EFNA5: variants seen among roughly 807,000 people sequenced by gnomAD.
The protein encoded by EFNA5 is ephrin A5.
A neutral mutation model predicts 22.9 loss-of-function variants in EFNA5; 5 were observed. The observed-to-expected ratio is 0.22, with a 90% CI of 0.11 to 0.46. The LOEUF is 0.46. Among genes scored for constraint, EFNA5 ranks in the 20% least tolerant of loss-of-function variants. EFNA5 has a pLI of 0.99. For missense variants in EFNA5, 237 were observed against 293.3 expected (o/e 0.81, Z 1.40); for synonymous variants, 113 against 112.2 (o/e 1.01, Z -0.04).
At chr5:107,538,452 C>T (rs1383208473) in intron 1 of EFNA5, among the ~76,000 whole-genome samples, 1 of 152,088 alleles carries the variant, frequency 6.6e-6, no homozygotes, top group Admixed American at 6.5e-5. Flanking sequence ...TTTAGATGCC[C>T]AAATTGAATA....
At chr5:107,527,299 T>C (rs542558862) in intron 1 of EFNA5, among the ~76,000 whole-genome samples, 2 of 151,568 alleles carry the variant, frequency 1.3e-5, no homozygotes, top group Admixed American at 1.3e-4. Flanking sequence ...TCTTTTTTTT[T>C]TTTGAGATGG....
intron 1 of EFNA5, among the ~76,000 whole-genome samples, chr5:107,492,566 A>T (rs1370358164): frequency 6.6e-6 from 1 of 152,200 alleles, no homozygotes; most frequent in East Asian, 1.9e-4. Context: ...GTATGACTTA[A>T]GAAGCTTCAG....
chr5:107,541,658 A>G (rs937037554), intron 1 of EFNA5, among the ~76,000 whole-genome samples: 1 of 152,236 alleles, frequency 6.6e-6, no homozygotes, highest in African/African-American at 2.4e-5. Flanking sequence ...TGGGACAGAC[A>G]CACCTCAACT....
intron 1 of EFNA5, among the ~76,000 whole-genome samples, chr5:107,624,524 A>G (rs1750104828): frequency 6.6e-6 from 1 of 152,156 alleles, no homozygotes; most frequent in African/African-American, 2.4e-5. Context: ...CATGTGGTCC[A>G]GCACAGGTGT....
intron 1 of EFNA5, among the ~76,000 whole-genome samples, chr5:107,636,593 AAG>A (rs1231738417): frequency 7.9e-5 from 12 of 152,368 alleles, no homozygotes; most frequent in African/African-American, 2.9e-4. Flanking sequence ...GTATTTCCAG[AAG>A]AGTTACCATA....
At chr5:107,567,347 A>G (rs1748682920) in intron 1 of EFNA5, among the ~76,000 whole-genome samples, 1 of 152,252 alleles carries the variant, frequency 6.6e-6, no homozygotes, top group South Asian at 2.1e-4. Context: ...CTTGCAAGGA[A>G]TAAGGCACAG....
intron 2 of EFNA5, among the ~76,000 whole-genome samples, chr5:107,397,080 CTTTAA>C (rs1747946202): frequency 2.9e-5 from 4 of 140,264 alleles, no homozygotes; most frequent in African/African-American, 5.2e-5. Flanking sequence ...TCACTCCACT[CTTTAA>C]TTTTTTTTTT....
At chr5:107,598,606 C>G (rs1749523569) in intron 1 of EFNA5, among the ~76,000 whole-genome samples, 1 of 152,130 alleles carries the variant, frequency 6.6e-6, no homozygotes, top group African/African-American at 2.4e-5. Context: ...ACCCACAAAG[C>G]AACTTCTGAA....
At chr5:107,662,759 G>A (rs531286887) in intron 1 of EFNA5, among the ~76,000 whole-genome samples, 101 of 148,962 alleles carry the variant, frequency 6.8e-4, no homozygotes, top group African/African-American at 2.3e-3. Context: ...TACCTTTTGC[G>A]GGAGAAAGAT....
At chr5:107,525,374 TAATGTA>T (rs1747673880) in intron 1 of EFNA5, among the ~76,000 whole-genome samples, 1 of 152,170 alleles carries the variant, frequency 6.6e-6, no homozygotes, top group African/African-American at 2.4e-5. Context: ...ATTCATATGT[TAATGTA>T]AATGGTTCAA....
At chr5:107,547,027 A>G (rs1748174713) in intron 1 of EFNA5, among the ~76,000 whole-genome samples, 1 of 152,220 alleles carries the variant, frequency 6.6e-6, no homozygotes, top group African/African-American at 2.4e-5. Flanking sequence ...AGTAAGGAGC[A>G]GAAAAGAAGT....
intron 1 of EFNA5, among the ~76,000 whole-genome samples, chr5:107,496,007 C>G (rs967109087): frequency 3.3e-5 from 5 of 151,898 alleles, no homozygotes; most frequent in African/African-American, 1.2e-4. Flanking sequence ...TGTCCTTCCT[C>G]TAACGTCAAC....
intron 1 of EFNA5, among the ~76,000 whole-genome samples, chr5:107,640,977 T>C (rs34535078): frequency 0.32 from 30,548 of 95,544 alleles, 3,629 homozygotes; most frequent in Middle Eastern, 0.38. Flanking sequence ...GGTAGGCAGG[T>C]AGATAGATAG....
chr5:107,473,941 G>A (rs995858582), intron 1 of EFNA5, among the ~76,000 whole-genome samples: 3 of 152,166 alleles, frequency 2.0e-5, no homozygotes, highest in African/African-American at 7.2e-5. Context: ...TTACAGGCAT[G>A]AGCCACCATG....
intron 1 of EFNA5, among the ~76,000 whole-genome samples, chr5:107,463,948 T>C (rs1749904806): frequency 1.3e-5 from 2 of 152,144 alleles, no homozygotes; most frequent in South Asian, 4.1e-4. Flanking sequence ...AAGTACCTCA[T>C]ATTAGATCAC....
intron 1 of EFNA5, among the ~76,000 whole-genome samples, chr5:107,597,647 T>G (rs748452421): frequency 6.6e-6 from 1 of 152,152 alleles, no homozygotes; most frequent in Non-Finnish European, 1.5e-5. Flanking sequence ...GAAAAAGGAA[T>G]TGAAACAAAA....
At chr5:107,479,263 C>A (rs1271973344) in intron 1 of EFNA5, among the ~76,000 whole-genome samples, 1 of 4,576 alleles carries the variant, frequency 2.2e-4, no homozygotes, top group Non-Finnish European at 3.8e-4. Flanking sequence ...TAATGAAACA[C>A]TTCTAACCCC....
chr5:107,612,534 A>G (rs1412608023), intron 1 of EFNA5, among the ~76,000 whole-genome samples: 1 of 152,188 alleles, frequency 6.6e-6, no homozygotes, highest in African/African-American at 2.4e-5. Flanking sequence ...TTCATCCAAA[A>G]TATCTACCTT....
At chr5:107,620,907 A>G (rs2112528533) in intron 1 of EFNA5, among the ~76,000 whole-genome samples, 1 of 152,362 alleles carries the variant, frequency 6.6e-6, no homozygotes, top group Admixed American at 6.5e-5. Flanking sequence ...AGGAACCAAT[A>G]AGGTGGAGCA....
Sources: allele counts gnomAD v4.1 joint callset (sites outside exome capture counted in the v4.1 genomes callset), GRCh38; gene constraint gnomAD v4.1.1; transcripts MANE v1.5; gene names NCBI Gene and HGNC (gene_info 2026-07-23, HGNC 2026-07-21).